Variants in IL16 observed in about 807,000 individuals in gnomAD.
The protein encoded by IL16 is pro-interleukin-16.
Under a neutral mutation model 110.1 loss-of-function variants are expected in IL16, and 67 were observed. The ratio of observed to expected loss-of-function variants is 0.61; its 90% CI spans 0.50 to 0.75. The LOEUF is 0.75. Among genes scored for constraint, IL16 ranks in the 30% least tolerant of loss-of-function variants. IL16 has a pLI of 0.00. For synonymous variants in IL16, 689 were observed against 662.9 expected (o/e 1.04, Z -0.61); for missense variants, 1,545 against 1,655.0 (o/e 0.93, Z 1.15).
chr15:81,250,123 C>T (rs933253860), intron 2 of IL16, among the ~76,000 whole-genome samples: 6 of 152,060 alleles, frequency 3.9e-5, no homozygotes, highest in Non-Finnish European at 8.8e-5. Context: ...TGGAAGTCTT[C>T]GCAGGTCTGA....
chr15:81,285,696 A>G lies in IL16; in HGVS notation c.1200-2A>G. 2.5e-6 allele frequency: 4 copies of G among 1,613,824 alleles called. No homozygotes were observed. The highest frequency in any genetic ancestry group is 2.5e-6 in the Non-Finnish European group (3 of 1,179,872). ...GATGGCTTCTTATTGATGCTTGCAC[A>G]GGTGTGGGGACGAGATTGTGGAAAT... On this transcript the variant is annotated splice_acceptor_variant, in intron 9 of 18. Transcript: ENST00000683961. LOFTEE classifies it high-confidence loss of function.
intron 8 of IL16, among the ~76,000 whole-genome samples, chr15:81,280,793 C>T (rs1899137665): frequency 6.6e-6 from 1 of 152,222 alleles, no homozygotes; most frequent in African/African-American, 2.4e-5. Context: ...CAATGCTTGG[C>T]ATAAGGACTA....
chr15:81,201,155 C>T (rs557107175), intron 1 of IL16, among the ~76,000 whole-genome samples: 1 of 150,514 alleles, frequency 6.6e-6, no homozygotes, highest in Non-Finnish European at 1.5e-5. Flanking sequence ...GTGTGTGTCT[C>T]TGTGTGTGTG....
At chr15:81,219,738 G>T (rs892497041) in intron 1 of IL16, among the ~76,000 whole-genome samples, 4 of 152,184 alleles carry the variant, frequency 2.6e-5, no homozygotes, top group Non-Finnish European at 5.9e-5. Context: ...TCTGATGTTG[G>T]TTGGTTACCT....
intron 1 of IL16, among the ~76,000 whole-genome samples, chr15:81,200,831 C>T (rs1895783267): frequency 6.6e-6 from 1 of 152,190 alleles, no homozygotes; most frequent in African/African-American, 2.4e-5. Flanking sequence ...GGATTTCAGG[C>T]CTGAGTCAGC....
intron 5 of IL16, among the ~76,000 whole-genome samples, chr15:81,272,581 G>A (rs1567029303): frequency 6.6e-6 from 1 of 152,204 alleles, no homozygotes; most frequent in Non-Finnish European, 1.5e-5. Context: ...CCTTGAGAAG[G>A]GGATTGAGAA....
At chr15:81,258,863 C>G (rs1449612443) in intron 2 of IL16, among the ~76,000 whole-genome samples, 1 of 151,982 alleles carries the variant, frequency 6.6e-6, no homozygotes, top group African/African-American at 2.4e-5. Context: ...CAATATAACT[C>G]AAGAATTAAG....
At chr15:81,243,688 G>C (rs1309467211) in intron 2 of IL16, among the ~76,000 whole-genome samples, 1 of 151,994 alleles carries the variant, frequency 6.6e-6, no homozygotes, top group Non-Finnish European at 1.5e-5. Context: ...TGACCCTAGA[G>C]GTTTATCATT....
At chr15:81,264,898 C>A (rs545599297) in intron 3 of IL16, among the ~76,000 whole-genome samples, 1 of 152,194 alleles carries the variant, frequency 6.6e-6, no homozygotes, top group East Asian at 1.9e-4. Context: ...TTAATCTCTC[C>A]TGTTTCTTTT....
At chr15:81,223,561 G>C (rs1896689667) in intron 1 of IL16, among the ~76,000 whole-genome samples, 2 of 152,310 alleles carry the variant, frequency 1.3e-5, no homozygotes, top group South Asian at 4.1e-4. Context: ...TCTTGAGAAA[G>C]TCACCTAACC....
intron 13 of IL16, among the ~76,000 whole-genome samples, chr15:81,297,629 G>C (rs147435262): frequency 6.6e-6 from 1 of 152,304 alleles, no homozygotes; most frequent in Non-Finnish European, 1.5e-5. Flanking sequence ...TCCTGGATCT[G>C]TCTGTCATTA....
rs201624502 is a variant in IL16 at position 81,296,999 on chromosome 15, C to G, written c.1974C>G (p.Ala658=). 5.6e-6 allele frequency: 9 copies of G among 1,613,896 alleles called. No individual in the cohort carries two copies. The highest frequency in any genetic ancestry group is 5.0e-5 in the Admixed American group (3 of 60,018). ...DTAGRSPSAS[A]GCPGPGIGPQ... is the part of the protein sequence containing the mutation. The stretch of plus-strand genomic sequence containing the variant: ...CAGGGAGAAGCCCTAGTGCCTCTGC[C>G]GGCTGCCCAGGACCTGGTATCGGCC... Residue 658 remains alanine, a synonymous_variant, in exon 13 of 19, where the codon GCC becomes GCG. Transcript: ENST00000683961.
rs1195460177 is a variant in IL16 at position 81,308,624 on chromosome 15, T to C, written c.3825T>C (p.Ser1275=). ...RIFKGAASEQ[S]ETVQPGDEIL... is the part of the protein sequence containing the mutation. ...TTTCAGGAGCAGCCTCAGAACAAAG[T>C]GAGACAGTCCAGCCTGGAGATGAAA... Residue 1275 remains serine (S), a synonymous_variant, in exon 19 of 19, where the codon AGT becomes AGC. Coordinates refer to ENST00000683961, the MANE Select transcript of IL16 (RefSeq NM_172217.5). 7 of 1,610,910 alleles carry C rather than the reference T, an allele frequency of 4.3e-6. No homozygotes were observed. The highest frequency in any genetic ancestry group is 5.9e-6 in the Non-Finnish European group (7 of 1,178,736).
rs1900410951 is a variant in IL16 at position 81,303,711 on chromosome 15, C to T, written c.3420+61C>T. On this transcript the variant is annotated intron_variant, in intron 16 of 18. Coordinates refer to ENST00000683961, the MANE Select transcript of IL16 (RefSeq NM_172217.5). This position sits in a 1 kb window ranked among gnomAD's most constrained non-coding sequence, Gnocchi z 4.1. The stretch of plus-strand genomic sequence containing the variant: ...AGGCAATGGTTCTGGGGGAGGGGGA[C>T]ACACTTGCCAGGAAGGGGCCCTGTG... 1 of 1,129,962 alleles carries T rather than the reference C, an allele frequency of 8.8e-7. No homozygotes were observed. The highest frequency in any genetic ancestry group is 1.3e-6 in the Non-Finnish European group (1 of 742,796). 70.0% of individuals were successfully genotyped at this position (1,129,962 alleles called of 1,614,324 possible).
chr15:81,294,116 G>T (rs1207613299), intron 12 of IL16, among the ~76,000 whole-genome samples: 1 of 152,240 alleles, frequency 6.6e-6, no homozygotes, highest in African/African-American at 2.4e-5. Context: ...TACAGTGAGG[G>T]TTGGCAAGCT....
intron 1 of IL16, among the ~76,000 whole-genome samples, chr15:81,213,752 A>G (rs1177776575): frequency 6.6e-6 from 1 of 151,964 alleles, no homozygotes; most frequent in Non-Finnish European, 1.5e-5. Context: ...CTATCCCTTT[A>G]TTTTAAGTCT....
At position 81,273,192 on chromosome 15, in the gene IL16, A is replaced by T. The variant is rs1468239818; in HGVS notation, c.778A>T (p.Arg260Trp). ...FAGGAAAADG[R>W]LQEGDEILEL... Reference sequence around the variant, plus strand: ...AGGGGGAGCAGCAGCAGCCGATGGAAGGCTACAGGAAGGTAGGCTTCCCAG... The same window carrying T: ...AGGGGGAGCAGCAGCAGCCGATGGATGGCTACAGGAAGGTAGGCTTCCCAG... Residue 260 changes from arginine to tryptophan, a missense_variant, in exon 6 of 19, where the codon AGG becomes TGG. By Grantham distance (101) the Arg-to-Trp change is moderately radical. Coordinates refer to ENST00000683961, the MANE Select transcript of IL16 (RefSeq NM_172217.5). The T allele has an allele frequency of 3.1e-6, 5 of 1,611,326 alleles. No homozygotes were observed. Among genetic ancestry groups the T allele is most frequent in the Non-Finnish European group, 4.2e-6 (5 of 1,178,298 alleles).
intron 1 of IL16, among the ~76,000 whole-genome samples, chr15:81,190,890 G>T (rs1895488678): frequency 6.6e-6 from 1 of 152,202 alleles, no homozygotes; most frequent in Non-Finnish European, 1.5e-5. Flanking sequence ...ATTGCTCAAG[G>T]TCAGGATTTA....
chr15:81,191,605 C>G (rs962206349), intron 1 of IL16, among the ~76,000 whole-genome samples: 2 of 152,160 alleles, frequency 1.3e-5, no homozygotes, highest in Admixed American at 6.5e-5. Flanking sequence ...ACTAACAAGA[C>G]AGCTTCAAAT....
Sources: allele counts gnomAD v4.1 joint callset (sites outside exome capture counted in the v4.1 genomes callset), GRCh38; gene constraint gnomAD v4.1.1; non-coding constraint Gnocchi (gnomAD v3.1); transcripts MANE v1.5; gene names NCBI Gene and HGNC (gene_info 2026-07-23, HGNC 2026-07-21).